The following ZC3H12B variants were observed in gnomAD, a reference collection of about 807,000 sequenced individuals.
The protein encoded by ZC3H12B is zinc finger CCCH-type containing 12B, also known as probable ribonuclease ZC3H12B.
In ZC3H12B, 7 loss-of-function variants were observed where a neutral mutation model predicts 43.9. The observed-to-expected ratio is 0.16, with a 90% CI of 0.09 to 0.30. The LOEUF (loss-of-function observed/expected upper bound fraction) is 0.30, where lower values mean the gene tolerates loss of function less well. Ranked by LOEUF, ZC3H12B falls within the 10% of genes least tolerant of loss-of-function variation. ZC3H12B has a pLI of 1.00. For missense variants in ZC3H12B, 475 were observed against 670.2 expected (o/e 0.71, Z 3.22); for synonymous variants, 222 against 241.7 (o/e 0.92, Z 0.76).
At chrX:65,176,164 G>C in the ZC3H12B span, among the ~76,000 whole-genome samples, 5 of 112,067 alleles carry the variant, frequency 4.5e-5, no homozygotes, top group African/African-American at 1.3e-4. Flanking sequence ...TGCCAGGACA[G>C]CAGTCTGAAG....
chrX:65,437,048 G>A (rs1394965815), intron 3 of ZC3H12B, among the ~76,000 whole-genome samples: 1 of 110,450 alleles, frequency 9.1e-6, no homozygotes, highest in Non-Finnish European at 1.9e-5. Context: ...CACCTTCTGG[G>A]TTCAAGCAAT....
chrX:65,417,843 A>G (rs1343979595), intron 3 of ZC3H12B, among the ~76,000 whole-genome samples: 2 of 112,601 alleles, frequency 1.8e-5, no homozygotes, highest in Non-Finnish European at 3.7e-5. Context: ...GTACCTTATT[A>G]TTACCCAACC....
chrX:65,300,941 A>AG, the ZC3H12B span, among the ~76,000 whole-genome samples: 1 of 110,714 alleles, frequency 9.0e-6, no homozygotes, highest in Non-Finnish European at 1.9e-5. Context: ...CATCTGACAA[A>AG]GGACTAATAT....
At chrX:65,271,790 G>A in the ZC3H12B span, 1 of 152,502 alleles carries the variant, frequency 6.6e-6, no homozygotes, top group Admixed American at 5.8e-5. Context: ...CACCCAAAAG[G>A]TGGAAAATTC....
the ZC3H12B span, among the ~76,000 whole-genome samples, chrX:65,073,722 C>T: frequency 2.7e-5 from 3 of 111,916 alleles, no homozygotes; most frequent in East Asian, 5.6e-4. Flanking sequence ...CTCAAGTGTC[C>T]GTGGTGGGAG....
intron 3 of ZC3H12B, among the ~76,000 whole-genome samples, chrX:65,413,144 C>T (rs971036910): frequency 9.0e-6 from 1 of 110,891 alleles, no homozygotes; most frequent in Non-Finnish European, 1.9e-5. Flanking sequence ...AAAAATCGGG[C>T]TGTTTGTCCT....
the ZC3H12B span, among the ~76,000 whole-genome samples, chrX:65,180,710 C>T: frequency 2.7e-5 from 3 of 110,681 alleles, no homozygotes; most frequent in Non-Finnish European, 5.7e-5. Flanking sequence ...TTAGAAGTTA[C>T]GTGTAGGACC....
At chrX:65,439,107 C>T (rs967173725) in intron 3 of ZC3H12B, among the ~76,000 whole-genome samples, 14 of 112,357 alleles carry the variant, frequency 1.2e-4, no homozygotes, top group Non-Finnish European at 3.8e-5. Context: ...TGTTTTTATC[C>T]ATTTTAATAG....
At chrX:65,362,579 C>T (rs2066118092), upstream of ZC3H12B, among the ~76,000 whole-genome samples, 1 of 110,195 alleles carries the variant, frequency 9.1e-6, no homozygotes, top group Admixed American at 9.7e-5. Context: ...TCTCATATCC[C>T]CCCACCTTAA....
At chrX:65,284,489 C>T in the ZC3H12B span, among the ~76,000 whole-genome samples, 77 of 111,748 alleles carry the variant, frequency 6.9e-4, no homozygotes, top group Non-Finnish European at 1.3e-3. Context: ...AGGCCGGGCA[C>T]GGTGGCTCAT....
intron 3 of ZC3H12B, among the ~76,000 whole-genome samples, chrX:65,459,639 C>G (rs1450353542): frequency 1.8e-5 from 2 of 111,693 alleles, no homozygotes; most frequent in Non-Finnish European, 3.8e-5. Flanking sequence ...CAGAAAAGGC[C>G]TTTGACAAAA....
intron 1 of ZC3H12B, among the ~76,000 whole-genome samples, chrX:65,493,951 C>T (rs747540874): frequency 4.5e-5 from 5 of 111,006 alleles, no homozygotes; most frequent in Non-Finnish European, 7.5e-5. Context: ...CTCATTGCCA[C>T]CTTGATAAAT....
the ZC3H12B span, among the ~76,000 whole-genome samples, chrX:65,321,566 T>G: frequency 9.1e-6 from 1 of 110,396 alleles, no homozygotes; most frequent in Non-Finnish European, 1.9e-5. Context: ...GCCCCCAAAA[T>G]ATAAATAATT....
At chrX:65,279,432 A>C in the ZC3H12B span, among the ~76,000 whole-genome samples, 133 of 108,801 alleles carry the variant, frequency 1.2e-3, no homozygotes, top group Non-Finnish European at 1.9e-3. Context: ...GGCCACATGT[A>C]TGTCTTTGAC....
chrX:65,301,671 A>T, the ZC3H12B span, among the ~76,000 whole-genome samples: 1 of 111,467 alleles, frequency 9.0e-6, no homozygotes, highest in Non-Finnish European at 1.9e-5. Flanking sequence ...ATGCAAAGGC[A>T]TAAGAATGAT....
the ZC3H12B span, among the ~76,000 whole-genome samples, chrX:65,066,842 G>A: frequency 8.9e-6 from 1 of 111,996 alleles, no homozygotes; most frequent in African/African-American, 3.2e-5. Context: ...CTTGCCCCGT[G>A]TGTAGGAATC....
chrX:65,343,517 T>C, the ZC3H12B span, among the ~76,000 whole-genome samples: 2 of 111,900 alleles, frequency 1.8e-5, no homozygotes, highest in Non-Finnish European at 3.8e-5. Flanking sequence ...AAACAGTTGG[T>C]TCACTACACA....
chrX:65,102,052 C>T, the ZC3H12B span, among the ~76,000 whole-genome samples: 2 of 111,996 alleles, frequency 1.8e-5, no homozygotes, highest in African/African-American at 6.5e-5. Context: ...AAGTTGGCTT[C>T]ATCCCTGGGA....
the ZC3H12B span, among the ~76,000 whole-genome samples, chrX:65,257,267 G>A: frequency 8.9e-6 from 1 of 112,033 alleles, no homozygotes; most frequent in Non-Finnish European, 1.9e-5. Context: ...GGAATACTAT[G>A]CAGCCATAAA....
Sources: gnomAD v4.1 joint callset for allele counts (sites outside exome capture counted in the v4.1 genomes callset) on GRCh38, gnomAD v4.1.1 for gene constraint, MANE v1.5 for transcripts, NCBI Gene and HGNC (gene_info 2026-07-23, HGNC 2026-07-21) for gene names.